The following TMEM114 variants were observed in gnomAD, a reference collection of about 807,000 sequenced individuals.
TMEM114 encodes the protein claudin-26.
Under a neutral mutation model 6.2 loss-of-function variants are expected in TMEM114, and 6 were observed. That is an observed-to-expected ratio of 0.97 (90% confidence interval 0.53 to 1.91). The LOEUF (loss-of-function observed/expected upper bound fraction) is 1.91. Among genes scored for constraint, TMEM114 ranks in the 40% most tolerant of loss-of-function variants. The pLI, the probability that TMEM114 is intolerant of heterozygous loss-of-function variation, is 0.01. For synonymous variants in TMEM114, 104 were observed against 73.0 expected (o/e 1.42, Z -2.16); for missense variants, 218 against 158.3 (o/e 1.38, Z -2.02).
At chr16:8,558,129 TG>T (rs1180884701) in intron 2 of TMEM114, among the ~76,000 whole-genome samples, 1 of 152,106 alleles carries the variant, frequency 6.6e-6, no homozygotes, top group Non-Finnish European at 1.5e-5. Flanking sequence ...GGTGCATGCT[TG>T]TAATCCCAGC....
intron 3 of TMEM114, among the ~76,000 whole-genome samples, chr16:8,570,811 C>A (rs770955307): frequency 2.6e-5 from 4 of 152,234 alleles, no homozygotes; most frequent in Non-Finnish European, 1.5e-5. Context: ...TTACACATGG[C>A]TATTTAAATT....
chr16:8,571,257 GTCCACCTGTTGTTTTGTT>G (rs1271700777), intron 3 of TMEM114, among the ~76,000 whole-genome samples: 2 of 152,128 alleles, frequency 1.3e-5, no homozygotes, highest in East Asian at 3.9e-4. Flanking sequence ...GCCATTGTCT[GTCCACCTGTTGTTTTGTT>G]TCATCTTGTT....
intron 2 of TMEM114, among the ~76,000 whole-genome samples, chr16:8,559,146 G>A (rs6501162): frequency 0.44 from 67,228 of 151,658 alleles, 15,579 homozygotes; most frequent in African/African-American, 0.57. Context: ...AGGTTCAAGT[G>A]ATTGTCCTGC....
intron 2 of TMEM114, among the ~76,000 whole-genome samples, chr16:8,541,889 G>A (rs546837006): frequency 9.9e-5 from 15 of 152,242 alleles, no homozygotes; most frequent in African/African-American, 3.1e-4. Flanking sequence ...GGCTTACAAA[G>A]ACGTAGCACA....
intron 2 of TMEM114, among the ~76,000 whole-genome samples, chr16:8,580,538 G>A (rs1266583882): frequency 1.3e-4 from 19 of 150,766 alleles, no homozygotes; most frequent in Admixed American, 1.3e-3. Flanking sequence ...AGACCCTCTT[G>A]GCCACCCCAA....
chr16:8,563,701 G>A (rs923822849), intron 2 of TMEM114, among the ~76,000 whole-genome samples: 2 of 148,744 alleles, frequency 1.3e-5, no homozygotes, highest in African/African-American at 2.6e-5. Flanking sequence ...GAGTGAGTTA[G>A]TGAATGAGTG....
chr16:8,533,689 A>G (rs72776576), downstream of TMEM114, among the ~76,000 whole-genome samples: 3,316 of 152,318 alleles, frequency 0.022, 54 homozygotes, highest in Non-Finnish European at 0.036. Flanking sequence ...TCCACAGACT[A>G]TTCAACTGAG....
At chr16:8,559,732 G>T (rs1191489639) in intron 2 of TMEM114, among the ~76,000 whole-genome samples, 1 of 152,172 alleles carries the variant, frequency 6.6e-6, no homozygotes, top group South Asian at 2.1e-4. Context: ...CAAGGAGAAG[G>T]TGGCTGAGCC....
At chr16:8,571,307 T>C (rs987268169) in intron 3 of TMEM114, among the ~76,000 whole-genome samples, 8 of 152,170 alleles carry the variant, frequency 5.3e-5, no homozygotes, top group Non-Finnish European at 1.2e-4. Context: ...TGCTGTTTAA[T>C]TGACAAGTAA....
Position 8,590,472 on chromosome 16 carries a change from C to A in TMEM114, c.-634G>T, listed in dbSNP as rs1289750923. On this transcript the variant is annotated 5_prime_UTR_variant, in exon 1 of 4. Transcript: ENST00000620492. Reference sequence around the variant, plus strand: ...CCTGCTCTGGCCGGGGCGCAGCTGACCCTCTGAGCCCTCCTCCTCGCCGAG... The same window carrying A: ...CCTGCTCTGGCCGGGGCGCAGCTGAACCTCTGAGCCCTCCTCCTCGCCGAG... Among the ~76,000 whole-genome samples, 16 of 152,230 alleles carry A rather than the reference C, an allele frequency of 1.1e-4. No homozygotes were observed. Among genetic ancestry groups the A allele is most frequent in the African/African-American group, 3.9e-4 (16 of 41,454 alleles).
downstream of TMEM114, among the ~76,000 whole-genome samples, chr16:8,534,743 C>T (rs530958058): frequency 6.6e-6 from 1 of 152,198 alleles, no homozygotes; most frequent in Non-Finnish European, 1.5e-5. Flanking sequence ...GTACTTGGCA[C>T]ATGGTCAACA....
At chr16:8,539,964 C>A (rs375259406) in intron 2 of TMEM114, among the ~76,000 whole-genome samples, 2 of 151,992 alleles carry the variant, frequency 1.3e-5, no homozygotes, top group African/African-American at 4.8e-5. Context: ...ATTACAGGCA[C>A]ATGCCACCAT....
chr16:8,560,428 A>T (rs1023372497), intron 2 of TMEM114, among the ~76,000 whole-genome samples: 8 of 152,054 alleles, frequency 5.3e-5, no homozygotes, highest in Non-Finnish European at 1.2e-4. Flanking sequence ...CTTGCCCTGG[A>T]ATCTCTAAAG....
chr16:8,528,089 TG>T, the TMEM114 span, among the ~76,000 whole-genome samples: 1 of 151,938 alleles, frequency 6.6e-6, no homozygotes, highest in African/African-American at 2.4e-5. Flanking sequence ...TTGGTAGAGA[TG>T]GGATTTCGCC....
At chr16:8,580,646 A>G (rs549635604) in intron 2 of TMEM114, among the ~76,000 whole-genome samples, 17 of 152,042 alleles carry the variant, frequency 1.1e-4, no homozygotes, top group Non-Finnish European at 2.1e-4. Context: ...TTTTCTATAT[A>G]TTCACATATT....
intron 2 of TMEM114, among the ~76,000 whole-genome samples, chr16:8,559,071 T>G (rs986710070): frequency 1.3e-5 from 2 of 149,008 alleles, no homozygotes; most frequent in African/African-American, 5.0e-5. Context: ...TGAGATGGAG[T>G]TTGCTGTGTC....
intron 3 of TMEM114, among the ~76,000 whole-genome samples, chr16:8,570,618 G>A (rs1361114253): frequency 1.3e-5 from 2 of 152,148 alleles, no homozygotes; most frequent in Admixed American, 1.3e-4. Flanking sequence ...AGGCATGTTT[G>A]TGTAATTATT....
At chr16:8,567,266 G>A (rs536183171), downstream of TMEM114, among the ~76,000 whole-genome samples, 1 of 152,146 alleles carries the variant, frequency 6.6e-6, no homozygotes. Context: ...CTCTCAGATA[G>A]ATTATTGGTT....
chr16:8,549,181 CAAAAAAA>C, intron 2 of TMEM114, among the ~76,000 whole-genome samples: 1 of 49,326 alleles, frequency 2.0e-5, no homozygotes, highest in Admixed American at 3.0e-4. Flanking sequence ...GACTCCATCT[CAAAAAAA>C]AAAAAAAAAA....
Sources: gnomAD v4.1 joint callset for allele counts (sites outside exome capture counted in the v4.1 genomes callset) on GRCh38, gnomAD v4.1.1 for gene constraint, MANE v1.5 for transcripts, NCBI Gene and HGNC (gene_info 2026-07-23, HGNC 2026-07-21) for gene names.